The following POLR3E variants were observed in gnomAD, a reference collection of about 807,000 sequenced individuals.
The protein encoded by POLR3E is DNA-directed RNA polymerase III subunit RPC5.
A neutral mutation model predicts 96.6 loss-of-function variants in POLR3E; 41 were observed. The observed-to-expected ratio is 0.42, with a 90% CI of 0.33 to 0.55. POLR3E has a LOEUF of 0.55. POLR3E is among the 20% of genes least tolerant of loss of function. The pLI is 0.06. For missense variants in POLR3E, 849 were observed against 952.1 expected, an observed-to-expected ratio of 0.89 and a Z score of 1.43; for synonymous variants, 396 against 383.6, an observed-to-expected ratio of 1.03 and a Z score of -0.38.
intron 1 of POLR3E, among the ~76,000 whole-genome samples, chr16:22,299,302 G>C (rs557122444): frequency 6.6e-6 from 1 of 152,234 alleles, no homozygotes; most frequent in Non-Finnish European, 1.5e-5. Flanking sequence ...GGGGAAGACA[G>C]AGACAAGATT....
rs1480535230 is a variant in POLR3E at position 22,315,319 on chromosome 16, A to G, written c.642+111A>G. 5 of 1,181,054 alleles carry G rather than the reference A, an allele frequency of 4.2e-6. No homozygotes were observed. In the Admixed American group the frequency reaches 1.1e-4, roughly 27 times the overall value. The allele number at this position is 1,181,054 out of a possible 1,614,324, so 73.2% of individuals were successfully genotyped here. A position where few individuals can be genotyped will look rare whatever the true frequency, so the allele number is the denominator to read the frequency against. On this transcript the variant is annotated intron_variant, in intron 9 of 20. Coordinates refer to ENST00000299853, the MANE Select transcript of POLR3E (RefSeq NM_018119.4). Reference sequence around the variant, plus strand: ...TAAGTCAAATTCATGAGTCATAGCCACAGATAGAGGATCGAGTCCTGTGGG... The same window carrying G: ...TAAGTCAAATTCATGAGTCATAGCCGCAGATAGAGGATCGAGTCCTGTGGG...
chr16:22,325,297 C>G, intron 17 of POLR3E, 31 bp downstream of exon 17: 3 of 1,570,402 alleles, frequency 1.9e-6, no homozygotes, highest in Non-Finnish European at 2.6e-6. Context: ...TGGGAGGCCC[C>G]GGCTCCTACA....
intron 8 of POLR3E, 103 bp from the exon 9 acceptor site, chr16:22,314,986 A>C (rs2048324095): frequency 8.3e-7 from 1 of 1,208,534 alleles, no homozygotes; most frequent in Non-Finnish European, 1.2e-6. Flanking sequence ...GGAGAGTGGA[A>C]AACCCCTATA....
intron 6 of POLR3E, chr16:22,310,327 C>A: frequency 6.5e-6 from 1 of 154,610 alleles, no homozygotes; most frequent in Admixed American, 6.5e-5. Flanking sequence ...CGCTCTGTTG[C>A]CTAGGCTGGA....
chr16:22,331,856 C>G, intron 19 of POLR3E: 1 of 505,488 alleles, frequency 2.0e-6, no homozygotes, highest in Non-Finnish European at 3.6e-6. Context: ...GCATTAATGC[C>G]TTTACTTTTG....
At position 22,322,771 on chromosome 16, in the gene POLR3E, C is replaced by G; in HGVS notation, c.987-79C>G. 1 of 987,002 alleles carries G rather than the reference C, an allele frequency of 1.0e-6. No individual in the cohort carries two copies. The highest frequency in any genetic ancestry group is 1.6e-6 in the Non-Finnish European group (1 of 630,660). 61.1% of individuals were successfully genotyped at this position (987,002 alleles called of 1,614,324 possible). ...AGCCCACGGTGGAAAGAAGCATGGA[C>G]TGGGGCTTGGCCGGGAGGGGTAGCG... On this transcript the variant is annotated intron_variant, in intron 13 of 20. Coordinates refer to ENST00000299853, the MANE Select transcript of POLR3E (RefSeq NM_018119.4). The surrounding 1 kb of genome is among the most constrained non-coding windows in gnomAD (Gnocchi z 5.2).
intron 6 of POLR3E, among the ~76,000 whole-genome samples, chr16:22,311,737 C>G (rs781487544): frequency 6.6e-5 from 10 of 152,054 alleles, no homozygotes; most frequent in Non-Finnish European, 1.5e-4. Flanking sequence ...CTCAAGCGAT[C>G]CTCTTGTCTC....
At chr16:22,308,276 G>T (rs556801821) in intron 4 of POLR3E, 51 bp downstream of exon 4, 3 of 1,390,614 alleles carry the variant, frequency 2.2e-6, no homozygotes, top group Non-Finnish European at 3.1e-6. Context: ...GGTGATGAGG[G>T]TGGGAGCTGG....
At chr16:22,310,474 A>G (rs2048222785) in intron 6 of POLR3E, among the ~76,000 whole-genome samples, 1 of 152,024 alleles carries the variant, frequency 6.6e-6, no homozygotes, top group Non-Finnish European at 1.5e-5. Flanking sequence ...TTTAGTAGAG[A>G]TGGGATTCTG....
chr16:22,315,066 A>T (rs1429103687), intron 8 of POLR3E, 23 bp from the exon 9 acceptor site: 1 of 1,611,210 alleles, frequency 6.2e-7, no homozygotes, highest in East Asian at 2.2e-5. Context: ...TGACGGTATG[A>T]CCTCTTCCCC....
chr16:22,309,396 C>T, intron 5 of POLR3E, 32 bp from the exon 6 acceptor site: 2 of 1,527,672 alleles, frequency 1.3e-6, no homozygotes, highest in Non-Finnish European at 9.1e-7. Context: ...GAGCTGCCTT[C>T]CCCTGTGACG....
At chr16:22,332,361 A>AG (rs750473541) in intron 20 of POLR3E, among the ~76,000 whole-genome samples, 176 bp downstream of exon 20, 2 of 152,174 alleles carry the variant, frequency 1.3e-5, no homozygotes. Flanking sequence ...TGGTTGGGGA[A>AG]GGGGGTATGT....
chr16:22,331,037 CTCTG>C (rs1000235706), intron 19 of POLR3E, among the ~76,000 whole-genome samples: 9 of 117,104 alleles, frequency 7.7e-5, no homozygotes, highest in Admixed American at 3.6e-4. Context: ...CAGAGTCTCC[CTCTG>C]TCAGCCAGGC....
At chr16:22,325,334 T>A (rs2048557953) in intron 17 of POLR3E, 68 bp downstream of exon 17, 1 of 1,295,124 alleles carries the variant, frequency 7.7e-7, no homozygotes, top group African/African-American at 1.5e-5. Context: ...GCTGCTGTGC[T>A]AGAGCTTGTC....
chr16:22,311,855 G>C (rs1490575803), intron 6 of POLR3E, among the ~76,000 whole-genome samples: 1 of 152,110 alleles, frequency 6.6e-6, no homozygotes, highest in Non-Finnish European at 1.5e-5. Flanking sequence ...ATTCAGGGGA[G>C]TAACATGCTG....
chr16:22,305,450 C>A, intron 3 of POLR3E: 2 of 683,088 alleles, frequency 2.9e-6, no homozygotes, highest in Non-Finnish European at 5.4e-6. Flanking sequence ...GGGGTCAGAC[C>A]GGATTGAGAT....
intron 3 of POLR3E, among the ~76,000 whole-genome samples, chr16:22,306,062 C>G (rs1468376968): frequency 6.6e-6 from 1 of 152,046 alleles, no homozygotes; most frequent in African/African-American, 2.4e-5. Context: ...CAGTCTGTGC[C>G]CCCCATTCCC....
chr16:22,311,413 G>T (rs369788573), intron 6 of POLR3E, among the ~76,000 whole-genome samples: 3 of 151,706 alleles, frequency 2.0e-5, no homozygotes, highest in South Asian at 4.2e-4. Flanking sequence ...CTATAAGCTG[G>T]TTTTAGTCTT....
Position 22,317,029 on chromosome 16 carries a change from G to T in POLR3E, c.763G>T (p.Glu255Ter). 1 of 1,614,056 alleles carries T rather than the reference G, an allele frequency of 6.2e-7. No homozygotes were observed. Among genetic ancestry groups the T allele is most frequent in the Non-Finnish European group, 8.5e-7 (1 of 1,179,880 alleles). The change falls in exon 11 of 21, where the codon GAG (glutamate) becomes TAG (stop). Residue 255 changes from glutamate (E) to a stop codon, truncating the protein, a stop_gained. Transcript: ENST00000299853. LOFTEE classifies it high-confidence loss of function. ...YLMMLMPPSQ[E>*]EEKDKPVAPS... The stretch of plus-strand genomic sequence containing the variant: ...GATGATGCTGATGCCACCCAGCCAG[G>T]AGGAGGAGAAGTGAGTAGAGGCGGC...
Sources: gnomAD v4.1 joint callset for allele counts (sites outside exome capture counted in the v4.1 genomes callset) on GRCh38, gnomAD v4.1.1 for gene constraint, Gnocchi (gnomAD v3.1) non-coding constraint, MANE v1.5 for transcripts, NCBI Gene and HGNC (gene_info 2026-07-23, HGNC 2026-07-21) for gene names.